Variants in COL25A1 observed in about 807,000 individuals in gnomAD.
COL25A1 encodes collagen type XXV alpha 1 chain, also known as collagen alpha-1(XXV) chain.
A neutral mutation model predicts 128.4 loss-of-function variants in COL25A1; 103 were observed. The observed-to-expected ratio is 0.80, with a 90% CI of 0.68 to 0.94. The LOEUF (loss-of-function observed/expected upper bound fraction) is 0.94, where lower values mean the gene tolerates loss of function less well. COL25A1 is among the 40% of genes least tolerant of loss of function. COL25A1 has a pLI of 0.00. For missense variants in COL25A1, 745 were observed against 840.0 expected, an observed-to-expected ratio of 0.89 and a Z score of 1.40; for synonymous variants, 279 against 277.2, an observed-to-expected ratio of 1.01 and a Z score of -0.06.
chr4:109,193,373 G>A (rs1775776483), intron 3 of COL25A1, among the ~76,000 whole-genome samples: 1 of 152,162 alleles, frequency 6.6e-6, no homozygotes, highest in South Asian at 2.1e-4. Flanking sequence ...GTTAGTGTGG[G>A]AATACTTCAG....
intron 3 of COL25A1, among the ~76,000 whole-genome samples, chr4:109,249,904 T>C (rs895272239): frequency 2.6e-5 from 4 of 152,178 alleles, no homozygotes; most frequent in Non-Finnish European, 2.9e-5. Flanking sequence ...CCCATTTGCT[T>C]CAAATGCTCT....
intron 13 of COL25A1, among the ~76,000 whole-genome samples, chr4:108,909,927 A>G (rs1744010226): frequency 6.6e-6 from 1 of 152,182 alleles, no homozygotes; most frequent in South Asian, 2.1e-4. Context: ...AGCCCTGCTC[A>G]TAGCTCCTCG....
chr4:108,915,809 G>T (rs999791193), intron 13 of COL25A1, among the ~76,000 whole-genome samples: 3 of 152,140 alleles, frequency 2.0e-5, no homozygotes, highest in Non-Finnish European at 4.4e-5. Flanking sequence ...TAATGGAGAA[G>T]AAAATGTTTT....
At chr4:109,206,974 G>A (rs1777055123) in intron 3 of COL25A1, among the ~76,000 whole-genome samples, 1 of 152,154 alleles carries the variant, frequency 6.6e-6, no homozygotes. Flanking sequence ...ATAGAAATCT[G>A]CTTTAGGTAT....
At chr4:109,189,379 C>T (rs1198359639) in intron 3 of COL25A1, among the ~76,000 whole-genome samples, 1 of 151,736 alleles carries the variant, frequency 6.6e-6, no homozygotes, top group Admixed American at 6.6e-5. Context: ...GAAACCCTGT[C>T]TCTACTAAAA....
chr4:109,005,993 AC>A (rs1755929926), intron 6 of COL25A1, among the ~76,000 whole-genome samples: 1 of 152,200 alleles, frequency 6.6e-6, no homozygotes, highest in Non-Finnish European at 1.5e-5. Context: ...AAAAGGGTTG[AC>A]ATTTTAAGAA....
intron 3 of COL25A1, among the ~76,000 whole-genome samples, chr4:109,080,509 T>G (rs961246157): frequency 2.6e-5 from 4 of 152,148 alleles, no homozygotes; most frequent in Admixed American, 2.6e-4. Flanking sequence ...TGACAAGTTC[T>G]TTTCCAACAA....
intron 8 of COL25A1, among the ~76,000 whole-genome samples, chr4:108,949,354 A>G (rs1015077883): frequency 6.6e-6 from 1 of 152,118 alleles, no homozygotes; most frequent in African/African-American, 2.4e-5. Context: ...GTATTCTTCT[A>G]AAAGTTTTAT....
chr4:109,156,533 A>G (rs1772051519), intron 3 of COL25A1, among the ~76,000 whole-genome samples: 1 of 152,188 alleles, frequency 6.6e-6, no homozygotes, highest in Non-Finnish European at 1.5e-5. Flanking sequence ...ATTTGCCATC[A>G]CTGCTGATTC....
intron 3 of COL25A1, among the ~76,000 whole-genome samples, chr4:109,244,359 CA>C (rs796182263): frequency 6.6e-6 from 1 of 151,944 alleles, no homozygotes; most frequent in East Asian, 1.9e-4. Flanking sequence ...CAGACTATAT[CA>C]AAAAAAGTGT....
chr4:109,139,327 T>C (rs1370115593), intron 3 of COL25A1, among the ~76,000 whole-genome samples: 3 of 152,202 alleles, frequency 2.0e-5, no homozygotes, highest in Non-Finnish European at 4.4e-5. Context: ...AGCTCTTTAG[T>C]TTAATTAGAT....
rs184321801 is a variant in COL25A1, at chr4:109,023,746, A to T, written c.421-13371T>A. 2.1e-3 allele frequency among the ~76,000 whole-genome samples: 320 copies of T among 152,330 alleles called. 1 individual carries two copies. Among genetic ancestry groups the T allele is most frequent in the African/African-American group, 7.5e-3 (313 of 41,576 alleles). On this transcript the variant is annotated intron_variant, in intron 5 of 37. Coordinates refer to ENST00000399132, the MANE Select transcript of COL25A1 (RefSeq NM_198721.4). ...CACAAGCGCTGATGGCAGATACAGG[A>T]TGCTCTTGCTTGCAATAAAGAGAAA...
chr4:109,105,054 T>C lies in COL25A1; in HGVS notation c.368-54875A>G, dbSNP rs550913225. ...TGGATTGTCTTCAAGATAATCCTGG[T>C]GGTAGGGGGAAGTGGGTAGGAATAG... On this transcript the variant is annotated intron_variant, in intron 3 of 37. Coordinates refer to ENST00000399132, the MANE Select transcript of COL25A1 (RefSeq NM_198721.4). 9.9e-5 allele frequency among the ~76,000 whole-genome samples: 15 copies of C among 152,278 alleles called. No homozygotes were observed. In the South Asian group the frequency reaches 3.1e-3, roughly 32 times the overall value.
intron 6 of COL25A1, among the ~76,000 whole-genome samples, chr4:109,009,040 T>C (rs1353660409): frequency 1.3e-5 from 2 of 152,140 alleles, no homozygotes; most frequent in Admixed American, 1.3e-4. Context: ...GAGAATCACT[T>C]GAACCCGGGA....
At chr4:109,032,997 G>C (rs1388179662) in intron 5 of COL25A1, among the ~76,000 whole-genome samples, 1 of 152,160 alleles carries the variant, frequency 6.6e-6, no homozygotes, top group Non-Finnish European at 1.5e-5. Context: ...TTAATAATTG[G>C]TGTGCACAAG....
chr4:108,942,200 A>C (rs1312491531), intron 8 of COL25A1: 5 of 1,550,144 alleles, frequency 3.2e-6, no homozygotes, highest in Non-Finnish European at 4.4e-6. Flanking sequence ...ATGAGTGACA[A>C]CCACAAACCT....
At chr4:109,100,820 C>T (rs1390852243) in intron 3 of COL25A1, among the ~76,000 whole-genome samples, 2 of 152,132 alleles carry the variant, frequency 1.3e-5, no homozygotes, top group African/African-American at 4.8e-5. Context: ...ATATGCTATA[C>T]ACTGCAAACC....
intron 3 of COL25A1, among the ~76,000 whole-genome samples, chr4:109,139,643 G>A (rs989709916): frequency 5.9e-5 from 9 of 151,802 alleles, no homozygotes; most frequent in Non-Finnish European, 1.2e-4. Flanking sequence ...GATGTGTGGC[G>A]TTATTTCCTT....
chr4:109,099,913 G>A (rs1328950492), intron 3 of COL25A1, among the ~76,000 whole-genome samples: 3 of 152,102 alleles, frequency 2.0e-5, no homozygotes, highest in Admixed American at 2.0e-4. Flanking sequence ...TAAAACAGCA[G>A]AGATATGATT....
Sources: gnomAD v4.1 joint callset for allele counts (sites outside exome capture counted in the v4.1 genomes callset) on GRCh38, gnomAD v4.1.1 for gene constraint, MANE v1.5 for transcripts, NCBI Gene and HGNC (gene_info 2026-07-23, HGNC 2026-07-21) for gene names.